The following ZDHHC17 variants were observed in gnomAD, a reference collection of about 807,000 sequenced individuals.
ZDHHC17 encodes palmitoyltransferase ZDHHC17.
Under a neutral mutation model 90.3 loss-of-function variants are expected in ZDHHC17, and 40 were observed. That is an observed-to-expected ratio of 0.44 (90% confidence interval 0.34 to 0.58). The LOEUF is 0.58. Among genes scored for constraint, ZDHHC17 ranks in the 20% least tolerant of loss-of-function variants. The probability of loss-of-function intolerance (pLI) is 0.01; values close to 1 mark genes in which losing one functional copy is unlikely to be tolerated. For missense variants in ZDHHC17, 614 were observed against 780.8 expected, an observed-to-expected ratio of 0.79 and a Z score of 2.55; for synonymous variants, 235 against 252.4, an observed-to-expected ratio of 0.93 and a Z score of 0.65.
chr12:76,792,377 C>T (rs573273511), intron 1 of ZDHHC17, among the ~76,000 whole-genome samples: 5 of 152,158 alleles, frequency 3.3e-5, no homozygotes, highest in Admixed American at 2.0e-4. Context: ...AGACACTTGG[C>T]GAATAGTTGA....
chr12:76,771,729 C>T (rs965456062), intron 1 of ZDHHC17, among the ~76,000 whole-genome samples: 2 of 151,630 alleles, frequency 1.3e-5, no homozygotes, highest in African/African-American at 4.9e-5. Context: ...GTTACCAAAA[C>T]TATCCCTATT....
chr12:76,833,888 T>A (rs2137793852), intron 10 of ZDHHC17, among the ~76,000 whole-genome samples: 1 of 152,306 alleles, frequency 6.6e-6, no homozygotes, highest in Admixed American at 6.5e-5. Context: ...TACAAGGATG[T>A]TTCTCTTCGT....
chr12:76,793,379 G>A (rs377586922), intron 1 of ZDHHC17, among the ~76,000 whole-genome samples: 1 of 152,184 alleles, frequency 6.6e-6, no homozygotes, highest in African/African-American at 2.4e-5. Flanking sequence ...AATTAGGCAG[G>A]TGTGGTGGTG....
intron 1 of ZDHHC17, among the ~76,000 whole-genome samples, chr12:76,776,031 TC>T (rs1244419603): frequency 6.6e-6 from 1 of 152,056 alleles, no homozygotes; most frequent in African/African-American, 2.4e-5. Context: ...TTTCAGAAAT[TC>T]CCATTAAACT....
At chr12:76,805,597 T>C (rs1462580827) in intron 3 of ZDHHC17, among the ~76,000 whole-genome samples, 158 bp downstream of exon 3, 3 of 152,252 alleles carry the variant, frequency 2.0e-5, no homozygotes, top group Non-Finnish European at 4.4e-5. Context: ...AAAATTGCTT[T>C]TAACTTATAT....
chr12:76,786,039 C>T (rs1017004312), intron 1 of ZDHHC17, among the ~76,000 whole-genome samples: 5 of 151,986 alleles, frequency 3.3e-5, no homozygotes, highest in Non-Finnish European at 7.4e-5. Flanking sequence ...AGAAAAGAAG[C>T]ATTGCGACTT....
At chr12:76,785,427 T>C (rs1952673361) in intron 1 of ZDHHC17, among the ~76,000 whole-genome samples, 1 of 152,208 alleles carries the variant, frequency 6.6e-6, no homozygotes, top group Admixed American at 6.5e-5. Flanking sequence ...GTAAACTCAT[T>C]AGTCAGAAAT....
intron 1 of ZDHHC17, among the ~76,000 whole-genome samples, chr12:76,783,966 G>A (rs1377177804): frequency 1.3e-5 from 2 of 152,238 alleles, no homozygotes; most frequent in African/African-American, 4.8e-5. Flanking sequence ...AGCCTCTGGA[G>A]GGAGCAGAGT....
intron 5 of ZDHHC17, among the ~76,000 whole-genome samples, chr12:76,811,633 AT>A (rs1307869021): frequency 2.0e-5 from 3 of 151,770 alleles, no homozygotes; most frequent in African/African-American, 7.3e-5. Flanking sequence ...CCATGAGTAA[AT>A]TTTTTTTCTG....
intron 10 of ZDHHC17, among the ~76,000 whole-genome samples, chr12:76,839,690 T>G (rs1413512467): frequency 6.6e-6 from 1 of 152,188 alleles, no homozygotes; most frequent in Non-Finnish European, 1.5e-5. Flanking sequence ...CGGGGGCTGT[T>G]TAAACATAAA....
chr12:76,764,173 G>A lies in ZDHHC17; in HGVS notation c.-64G>A. ...CCGCGTCGCCTCCGGCGGGGCTCGC[G>A]CTCGCCCCGCGCTCGCCCTCCGCCT... On this transcript the variant is annotated 5_prime_UTR_variant, in exon 1 of 17. Transcript: ENST00000426126. The A allele has an allele frequency of 2.3e-6, 3 of 1,290,714 alleles. No individual in the cohort carries two copies. Among genetic ancestry groups the A allele is most frequent in the Non-Finnish European group, 2.1e-6 (2 of 956,698 alleles). 80.0% of individuals were successfully genotyped at this position (1,290,714 alleles called of 1,614,324 possible).
intron 15 of ZDHHC17, 43 bp from the exon 16 acceptor site, chr12:76,849,333 A>G: frequency 9.1e-7 from 1 of 1,093,942 alleles, no homozygotes; most frequent in Non-Finnish European, 1.3e-6. Context: ...CAAAAAAAAA[A>G]AAAAAAAACA....
At position 76,847,252 on chromosome 12, in the gene ZDHHC17, G is replaced by A. The variant is rs79376003; in HGVS notation, c.1507+573G>A. Among the ~76,000 whole-genome samples the A allele has an allele frequency of 4.4e-3, 675 of 152,302 alleles. 5 individuals are homozygous for A. The highest frequency in any genetic ancestry group is 0.016 in the African/African-American group (648 of 41,564). On this transcript the variant is annotated intron_variant, in intron 14 of 16. Coordinates refer to ENST00000426126, the MANE Select transcript of ZDHHC17 (RefSeq NM_015336.4). ...ATGCAGTCTGGAAAGAGTTTAAGTGGATACGTCACTTACGATGCCTCAGGG... is the reference window on the plus strand; with the variant it reads ...ATGCAGTCTGGAAAGAGTTTAAGTGAATACGTCACTTACGATGCCTCAGGG...
intron 7 of ZDHHC17, among the ~76,000 whole-genome samples, chr12:76,821,895 G>A (rs1953166371): frequency 6.6e-6 from 1 of 152,070 alleles, no homozygotes; most frequent in Non-Finnish European, 1.5e-5. Flanking sequence ...ACTTCTGGGT[G>A]GGTGAATGAA....
At chr12:76,767,807 TC>T (rs1314730024) in intron 1 of ZDHHC17, among the ~76,000 whole-genome samples, 9 of 152,042 alleles carry the variant, frequency 5.9e-5, no homozygotes, top group Admixed American at 5.9e-4. Context: ...TAATCCCAGC[TC>T]CTCAGGAGGC....
At chr12:76,829,875 T>A (rs987524803) in intron 10 of ZDHHC17, among the ~76,000 whole-genome samples, 3 of 152,196 alleles carry the variant, frequency 2.0e-5, no homozygotes, top group Non-Finnish European at 2.9e-5. Flanking sequence ...GTTCCCCAGG[T>A]TGGAGTGCAG....
intron 5 of ZDHHC17, among the ~76,000 whole-genome samples, chr12:76,810,657 T>C (rs1384984070): frequency 3.9e-5 from 6 of 152,180 alleles, no homozygotes; most frequent in Admixed American, 1.3e-4. Context: ...TGTTGTGCAT[T>C]ATAGTTTAGG....
chr12:76,829,388 C>T (rs570436780), intron 10 of ZDHHC17, among the ~76,000 whole-genome samples: 9 of 126,866 alleles, frequency 7.1e-5, no homozygotes, highest in Non-Finnish European at 1.1e-4. Flanking sequence ...ACCCGAGAGG[C>T]GGAGGTTGCA....
At chr12:76,771,638 T>C (rs1269762100) in intron 1 of ZDHHC17, among the ~76,000 whole-genome samples, 1 of 152,182 alleles carries the variant, frequency 6.6e-6, no homozygotes, top group African/African-American at 2.4e-5. Flanking sequence ...CCTACCCTTG[T>C]TTAGTTTTTA....
Sources: gnomAD v4.1 joint callset for allele counts (sites outside exome capture counted in the v4.1 genomes callset) on GRCh38, gnomAD v4.1.1 for gene constraint, MANE v1.5 for transcripts, NCBI Gene and HGNC (gene_info 2026-07-23, HGNC 2026-07-21) for gene names.